Variants in PAN2 observed in about 807,000 individuals in gnomAD.
The protein encoded by PAN2 is poly(A) specific ribonuclease subunit PAN2.
A neutral mutation model predicts 133.3 loss-of-function variants in PAN2; 68 were observed. That is an observed-to-expected ratio of 0.51 (90% CI 0.42 to 0.62). PAN2 has a LOEUF of 0.62. Among genes scored for constraint, PAN2 ranks in the 20% least tolerant of loss-of-function variants. The pLI is 0.00. For synonymous variants in PAN2, 462 were observed against 544.6 expected (o/e 0.85, Z 2.11); for missense variants, 1,042 against 1,500.5 (o/e 0.69, Z 5.05).
intron 5 of PAN2, 110 bp from the exon 6 acceptor site, chr12:56,327,741 G>T (rs1257599088): frequency 5.2e-6 from 7 of 1,343,280 alleles, no homozygotes; most frequent in Non-Finnish European, 7.1e-6. Flanking sequence ...TTAGGACAGG[G>T]AAAGTTAAAG....
At chr12:56,320,996 G>A (rs1423447431) in intron 20 of PAN2, among the ~76,000 whole-genome samples, 2 of 149,352 alleles carry the variant, frequency 1.3e-5, no homozygotes, top group African/African-American at 4.9e-5. Context: ...CCCGGGAGGT[G>A]GAGGTCGCAG....
Position 56,322,769 on chromosome 12 carries a change from G to C in PAN2, c.2494-11C>G. ...CCTGGCTGGGCCCCACTGTGAGGGGGGTACCCAGGCTGCTAAGCTAAGTTT... is the reference window on the plus strand; with the variant it reads ...CCTGGCTGGGCCCCACTGTGAGGGGCGTACCCAGGCTGCTAAGCTAAGTTT... On this transcript the variant is annotated splice_polypyrimidine_tract_variant and intron_variant, in intron 17 of 25. Coordinates refer to ENST00000440411, the MANE Select transcript of PAN2 (RefSeq NM_014871.6). The C allele has an allele frequency of 6.2e-7, 1 of 1,609,810 alleles. No homozygotes were observed. Among genetic ancestry groups the C allele is most frequent in the Non-Finnish European group, 8.5e-7 (1 of 1,178,930 alleles).
chr12:56,324,597 C>A lies in PAN2; in HGVS notation c.1712G>T (p.Arg571Leu), dbSNP rs117027379. 42 of 1,613,880 alleles carry A rather than the reference C, an allele frequency of 2.6e-5. No individual in the cohort carries two copies. In the South Asian group the frequency reaches 4.1e-4, roughly 16 times the overall value. ...AGTACTGACCTGGCAAGGGTCACCA[C>A]GAGAGAGGTCCAACATGTGAAACAG... ...GFLFHMLDLS[R>L]GDPCQGNNFL... The change falls in exon 11 of 26, where the codon CGT becomes CTT. Residue 571 changes from arginine (R) to leucine (L), a missense_variant. By Grantham distance (102) the Arg-to-Leu change is moderately radical (BLOSUM62 -2). Around this residue, in one of 3 missense-constraint regions of PAN2, gnomAD observed 908 missense variants for 1,223.5 expected, o/e 0.74. Transcript: ENST00000440411.
chr12:56,325,216 T>C, intron 9 of PAN2, 88 bp from the exon 10 acceptor site: 1 of 1,578,316 alleles, frequency 6.3e-7, no homozygotes. Flanking sequence ...AGAGCCTTCC[T>C]CCTGGGTCCA....
intron 16 of PAN2, 36 bp from the exon 17 acceptor site, chr12:56,323,245 A>G: frequency 6.2e-7 from 1 of 1,613,990 alleles, no homozygotes; most frequent in Non-Finnish European, 8.5e-7. Flanking sequence ...TTGTTCCGAA[A>G]GAGGTCTTGA....
chr12:56,328,934 TAGA>T (rs1453708110), intron 2 of PAN2, among the ~76,000 whole-genome samples: 1 of 152,218 alleles, frequency 6.6e-6, no homozygotes, highest in Non-Finnish European at 1.5e-5. Context: ...GAACAGTATA[TAGA>T]AGGTCAGGGA....
chr12:56,331,900 A>G (rs1048022426), intron 2 of PAN2, among the ~76,000 whole-genome samples: 2 of 151,804 alleles, frequency 1.3e-5, no homozygotes, highest in African/African-American at 4.8e-5. Context: ...TTTTTAGTAG[A>G]GACAGGGTTT....
chr12:56,327,998 G>A lies in PAN2; in HGVS notation c.648C>T (p.Gly216=). ...NRFFFCGHTS[G]KVSLRDLRTF... ...AGGAGAAATGGAACTTGGCCACCTT[G>A]CCAGACGTGTGGCCGCAGAAGAAGA... The change falls in exon 5 of 26, where the codon GGC becomes GGT. Residue 216 remains glycine, a synonymous_variant. Transcript: ENST00000440411. 1 of 1,613,832 alleles carries A rather than the reference G, an allele frequency of 6.2e-7. No individual in the cohort carries two copies. The highest frequency in any genetic ancestry group is 8.5e-7 in the Non-Finnish European group (1 of 1,179,854).
In PAN2 at chr12:56,319,495, T is replaced by C. The variant is rs201407689; in HGVS notation, c.3091-8A>G. Reference sequence around the variant, plus strand: ...AGTCAAGTAATCCACCACCTAGGAATAGAGAAAAGGACAAGCCTTTTTCAG... The same window carrying C: ...AGTCAAGTAATCCACCACCTAGGAACAGAGAAAAGGACAAGCCTTTTTCAG... On this transcript the variant is annotated splice_region_variant and splice_polypyrimidine_tract_variant and intron_variant, in intron 22 of 25. Transcript: ENST00000440411. The surrounding 1 kb of genome is among the most constrained non-coding windows in gnomAD (Gnocchi z 5.4). The C allele has an allele frequency of 6.2e-7, 1 of 1,610,232 alleles. No individual in the cohort carries two copies. Among genetic ancestry groups the C allele is most frequent in the East Asian group, 2.2e-5 (1 of 44,830 alleles).
At chr12:56,323,684 G>A in intron 14 of PAN2, 86 bp from the exon 15 acceptor site, 2 of 1,403,094 alleles carry the variant, frequency 1.4e-6, no homozygotes, top group Non-Finnish European at 1.0e-6. Flanking sequence ...TCTTCAAACT[G>A]GGATTCCTCA....
In PAN2 at chr12:56,326,780, G is replaced by A. The variant is rs748991970; in HGVS notation, c.1099C>T (p.Pro367Ser). 1.2e-6 allele frequency: 2 copies of A among 1,614,232 alleles called. No homozygotes were observed. Among genetic ancestry groups the A allele is most frequent in the Non-Finnish European group, 1.7e-6 (2 of 1,180,046 alleles). ...GCAAACTCAGTCTCACGGGAGTAGGGGTTGAAGGAAGGCTCCGGGGAATCA... is the reference window on the plus strand; with the variant it reads ...GCAAACTCAGTCTCACGGGAGTAGGAGTTGAAGGAAGGCTCCGGGGAATCA... ...WTDSPEPSFN[P>S]YSRETEFALP... The change falls in exon 7 of 26, where the codon CCC becomes TCC. Residue 367 changes from proline to serine, a missense_variant. This residue lies in a region of PAN2 where 908 missense variants were observed against 1,223.5 expected (regional missense o/e 0.74). Coordinates refer to ENST00000440411, the MANE Select transcript of PAN2 (RefSeq NM_014871.6).
chr12:56,323,573 AG>A lies in PAN2; in HGVS notation c.2197del (p.Leu733CysfsTer11). ...PTIQTRNIRH[L>X]PDILVINCEV... is the part of the protein sequence containing the mutation. ...ACAATTGATGACAAGAATATCTGGCAGATGGCGGATGTTGCGGGTCTGAATC... is the reference window on the plus strand; with the variant it reads ...ACAATTGATGACAAGAATATCTGGCAATGGCGGATGTTGCGGGTCTGAATC... On this transcript the variant is annotated frameshift_variant, in exon 15 of 26. Transcript: ENST00000440411. LOFTEE classifies it high-confidence loss of function. 6.2e-7 allele frequency: 1 copy of A among 1,614,202 alleles called. No homozygotes were observed. The highest frequency in any genetic ancestry group is 1.1e-5 in the South Asian group (1 of 91,088).
chr12:56,328,450 C>T, intron 3 of PAN2, 22 bp downstream of exon 3: 1 of 1,613,130 alleles, frequency 6.2e-7, no homozygotes, highest in Non-Finnish European at 8.5e-7. Context: ...CGTTCCTAGT[C>T]CAGAGCTGAG....
intron 2 of PAN2, among the ~76,000 whole-genome samples, chr12:56,329,935 T>C (rs143405823): frequency 0.069 from 6,564 of 95,090 alleles, 225 homozygotes; most frequent in Admixed American, 0.099. Context: ...CAGAGTGAGA[T>C]TCCACCTAAA....
chr12:56,323,041 T>C, intron 17 of PAN2, 21 bp downstream of exon 17: 1 of 1,613,516 alleles, frequency 6.2e-7, no homozygotes, highest in Non-Finnish European at 8.5e-7. Flanking sequence ...TTCCCTTTCC[T>C]CTTCCCGGTT....
At position 56,319,285 on chromosome 12, in the gene PAN2, C is replaced by G. The variant is rs1164155250; in HGVS notation, c.3270+23G>C. Reference sequence around the variant, plus strand: ...TGAGGGGCCCACTCTCACAAGAAGACTCTTAAAAGAGCCCTGCCAAACCAT... The same window carrying G: ...TGAGGGGCCCACTCTCACAAGAAGAGTCTTAAAAGAGCCCTGCCAAACCAT... On this transcript the variant is annotated intron_variant, in intron 23 of 25. Transcript: ENST00000440411. This position sits in a 1 kb window ranked among gnomAD's most constrained non-coding sequence, Gnocchi z 5.4. 1 of 1,611,956 alleles carries G rather than the reference C, an allele frequency of 6.2e-7. No individual in the cohort carries two copies. Among genetic ancestry groups the G allele is most frequent in the Admixed American group, 1.7e-5 (1 of 59,614 alleles).
chr12:56,327,646 T>C lies in PAN2; in HGVS notation c.652-15A>G. The C allele has an allele frequency of 6.2e-7, 1 of 1,608,972 alleles. No individual in the cohort carries two copies. Among genetic ancestry groups the C allele is most frequent in the Non-Finnish European group, 8.5e-7 (1 of 1,176,644 alleles). On this transcript the variant is annotated splice_polypyrimidine_tract_variant and intron_variant, in intron 5 of 25. Coordinates refer to ENST00000440411, the MANE Select transcript of PAN2 (RefSeq NM_014871.6). ...CTCAGGGAAACCTAGAAAAAAAAAA[T>C]TCAGTTATCTGCAAATTCTGTTATC...
At position 56,333,931 on chromosome 12, in the gene PAN2, T is replaced by G. The variant is rs1195442028; in HGVS notation, c.-184A>C. On this transcript the variant is annotated 5_prime_UTR_variant, in exon 1 of 26. Coordinates refer to ENST00000440411, the MANE Select transcript of PAN2 (RefSeq NM_014871.6). ...ACGAGTAGGGGGAGCGCAAGCGCTG[T>G]CAGCTCCGCGGGAAATTCCAGTTTC... The G allele has an allele frequency of 2.0e-5, 3 of 152,194 alleles. No individual in the cohort carries two copies. Among genetic ancestry groups the G allele is most frequent in the African/African-American group, 4.8e-5 (2 of 41,444 alleles). 9.4% of individuals were successfully genotyped at this position (152,194 alleles called of 1,614,324 possible).
chr12:56,320,395 T>A (rs1483486353), intron 20 of PAN2, among the ~76,000 whole-genome samples: 5 of 152,162 alleles, frequency 3.3e-5, no homozygotes, highest in Non-Finnish European at 5.9e-5. Flanking sequence ...CCCAGCACTT[T>A]GGGAGGCCGA....
Sources: gnomAD v4.1 joint callset for allele counts (sites outside exome capture counted in the v4.1 genomes callset) on GRCh38, gnomAD v4.1.1 for gene constraint, gnomAD v4.1.1 regional missense constraint, Gnocchi (gnomAD v3.1) non-coding constraint, MANE v1.5 for transcripts, NCBI Gene and HGNC (gene_info 2026-07-23, HGNC 2026-07-21) for gene names.